HTR2C: variants seen among roughly 807,000 people sequenced by gnomAD.
HTR2C encodes 5-hydroxytryptamine receptor 2C.
Under a neutral mutation model 21.0 loss-of-function variants are expected in HTR2C, and 5 were observed. The ratio of observed to expected loss-of-function variants is 0.24; its 90% CI spans 0.12 to 0.50. The LOEUF is 0.50. Ranked by LOEUF, HTR2C falls within the 20% of genes least tolerant of loss-of-function variation. HTR2C has a pLI of 0.98. For synonymous variants in HTR2C, 150 were observed against 145.3 expected (o/e 1.03, Z -0.23); for missense variants, 271 against 371.2 (o/e 0.73, Z 2.22).
At chrX:114,905,651 TC>T (rs1177842622) in intron 5 of HTR2C, among the ~76,000 whole-genome samples, 1 of 111,854 alleles carries the variant, frequency 8.9e-6, no homozygotes, top group East Asian at 2.8e-4. Flanking sequence ...GGCTTCGACT[TC>T]CTGTGGACAC....
chrX:114,603,464 T>C lies in HTR2C; in HGVS notation c.-146-10351T>C, dbSNP rs187836466. On this transcript the variant is annotated intron_variant, in intron 1 of 5. Coordinates refer to ENST00000276198, the MANE Select transcript of HTR2C (RefSeq NM_000868.4). ...AGGCTACAGGGTGTGGTCCTGGCTC[T>C]TGTGTAAGAATTCTGACCACTCGAA... Among the ~76,000 whole-genome samples the C allele has an allele frequency of 6.3e-3, 671 of 107,262 alleles. 2 individuals are homozygous for C. The highest frequency in any genetic ancestry group is 0.021 in the African/African-American group (629 of 29,390). The allele number at this position is 107,262 out of a possible 115,157, so 93.1% of individuals were successfully genotyped here.
intron 1 of HTR2C, among the ~76,000 whole-genome samples, chrX:114,589,388 C>T (rs1361732514): frequency 1.8e-5 from 2 of 111,390 alleles, no homozygotes; most frequent in Non-Finnish European, 3.8e-5. Context: ...GGAAATAATG[C>T]TATTGTATGT....
chrX:114,644,396 TA>T (rs1930278995), intron 2 of HTR2C, among the ~76,000 whole-genome samples: 1 of 83,500 alleles, frequency 1.2e-5, no homozygotes, highest in African/African-American at 4.5e-5. Flanking sequence ...TATATATATA[TA>T]TATATATATA....
chrX:114,677,387 C>A (rs951015144), intron 2 of HTR2C, among the ~76,000 whole-genome samples: 11 of 110,663 alleles, frequency 9.9e-5, no homozygotes, highest in Non-Finnish European at 1.7e-4. Context: ...TGATTCAACT[C>A]TTAAATTATC....
At chrX:114,854,922 C>T (rs2070947143) in intron 5 of HTR2C, among the ~76,000 whole-genome samples, 1 of 111,712 alleles carries the variant, frequency 9.0e-6, no homozygotes, top group African/African-American at 3.2e-5. Context: ...CATGACCAAA[C>T]ATTTTTCAAA....
chrX:114,618,296 G>C (rs1488191138), intron 2 of HTR2C, among the ~76,000 whole-genome samples: 1 of 111,777 alleles, frequency 8.9e-6, no homozygotes, highest in African/African-American at 3.2e-5. Flanking sequence ...AAGTTACCTC[G>C]TTTTGGAAAG....
At chrX:114,693,428 C>T (rs1602692257) in intron 2 of HTR2C, among the ~76,000 whole-genome samples, 1 of 111,679 alleles carries the variant, frequency 9.0e-6, no homozygotes, top group East Asian at 2.8e-4. Flanking sequence ...GTGAAACTTA[C>T]ATAATTGGAT....
At chrX:114,725,248 C>T (rs1314781880) in intron 2 of HTR2C, among the ~76,000 whole-genome samples, 15 of 110,459 alleles carry the variant, frequency 1.4e-4, no homozygotes, top group Non-Finnish European at 1.9e-4. Context: ...CTTCCCTTCT[C>T]GCTTCATTTC....
At chrX:114,643,155 G>A (rs369044424) in intron 2 of HTR2C, among the ~76,000 whole-genome samples, 375 of 111,255 alleles carry the variant, frequency 3.4e-3, no homozygotes, top group African/African-American at 0.011. Flanking sequence ...TTCTATGTAA[G>A]TGAAGTTCCT....
chrX:114,760,200 T>C (rs1300042219), intron 4 of HTR2C, among the ~76,000 whole-genome samples: 2 of 111,776 alleles, frequency 1.8e-5, no homozygotes, highest in African/African-American at 6.5e-5. Flanking sequence ...CTTTGCAGGA[T>C]TAAACTACAA....
chrX:114,747,656 C>T (rs941424304), intron 4 of HTR2C, among the ~76,000 whole-genome samples: 4 of 112,402 alleles, frequency 3.6e-5, no homozygotes, highest in African/African-American at 1.3e-4. Context: ...ATCTTGCTTG[C>T]ACTTTCTCTC....
rs944815446 is a variant in HTR2C, at chrX:114,658,846, G to A, written c.-80+44965G>A. Among the ~76,000 whole-genome samples, 6 of 111,431 alleles carry A rather than the reference G, an allele frequency of 5.4e-5. No homozygotes were observed. In the Admixed American group the frequency reaches 5.8e-4, roughly 11 times the overall value. Reference sequence around the variant, plus strand: ...GTCCACTAATATGTGCTAAAATAAGGGGGGCAAAAGTTTTAGGATAAACAG... The same window carrying A: ...GTCCACTAATATGTGCTAAAATAAGAGGGGCAAAAGTTTTAGGATAAACAG... On this transcript the variant is annotated intron_variant, in intron 2 of 5. Transcript: ENST00000276198.
chrX:114,879,473 A>G (rs2147517757), intron 5 of HTR2C, among the ~76,000 whole-genome samples: 1 of 109,961 alleles, frequency 9.1e-6, no homozygotes. Flanking sequence ...TTTTATTTCC[A>G]TAGGTTTTTG....
chrX:114,611,914 G>A (rs964576366), intron 1 of HTR2C, among the ~76,000 whole-genome samples: 3 of 110,933 alleles, frequency 2.7e-5, no homozygotes, highest in Non-Finnish European at 5.7e-5. Flanking sequence ...AGCCAGGATG[G>A]TCTCGATCTC....
intron 4 of HTR2C, among the ~76,000 whole-genome samples, chrX:114,805,966 C>CAT (rs1248460539): frequency 1.1e-3 from 30 of 27,391 alleles, no homozygotes; most frequent in East Asian, 3.6e-3. Context: ...ATATATATAC[C>CAT]ATATATATAC....
Position 114,631,037 on chromosome X carries a change from G to C in HTR2C, c.-80+17156G>C, listed in dbSNP as rs782138901. 4.1e-5 allele frequency: 9 copies of C among 217,028 alleles called. No individual in the cohort carries two copies. The South Asian group carries it at 5.2e-4, about 12-fold the overall frequency. The allele number at this position is 217,028 out of a possible 1,213,427, so 17.9% of individuals were successfully genotyped here. A position where few individuals can be genotyped will look rare whatever the true frequency, so the allele number is the denominator to read the frequency against. On this transcript the variant is annotated intron_variant, in intron 2 of 5. Coordinates refer to ENST00000276198, the MANE Select transcript of HTR2C (RefSeq NM_000868.4). ...GTGACTATGTCTGGCCGGGCGCGGT[G>C]GCTCACTCCTGTAATCCCAGCACTT...
At chrX:114,720,374 G>A (rs1274526787) in intron 2 of HTR2C, among the ~76,000 whole-genome samples, 3 of 110,845 alleles carry the variant, frequency 2.7e-5, no homozygotes, top group African/African-American at 9.8e-5. Context: ...TGAGTGACAA[G>A]GATAGTGCTA....
At chrX:114,688,717 C>T (rs782747553) in intron 2 of HTR2C, among the ~76,000 whole-genome samples, 8 of 111,652 alleles carry the variant, frequency 7.2e-5, no homozygotes, top group African/African-American at 2.3e-4. Flanking sequence ...AGTAAATAGG[C>T]GTTTTGTTTA....
chrX:114,676,682 C>CA (rs1556412772), intron 2 of HTR2C, among the ~76,000 whole-genome samples: 1 of 111,954 alleles, frequency 8.9e-6, no homozygotes, highest in African/African-American at 3.2e-5. Context: ...TATCATGTGT[C>CA]AAAAAAAGGC....
Sources: allele counts gnomAD v4.1 joint callset (sites outside exome capture counted in the v4.1 genomes callset), GRCh38; gene constraint gnomAD v4.1.1; transcripts MANE v1.5; gene names NCBI Gene and HGNC (gene_info 2026-07-23, HGNC 2026-07-21).